PLD5: variants seen among roughly 807,000 people sequenced by gnomAD.
PLD5 encodes the protein phospholipase D family member 5.
In PLD5, 36 loss-of-function variants were observed where a neutral mutation model predicts 61.1. The observed-to-expected ratio is 0.59, with a 90% CI of 0.45 to 0.78. The LOEUF is 0.78. Among genes scored for constraint, PLD5 ranks in the 30% least tolerant of loss-of-function variants. The pLI is 0.00. For synonymous variants in PLD5, 243 were observed against 242.8 expected (o/e 1.00, Z -0.01); for missense variants, 515 against 644.4 (o/e 0.80, Z 2.17).
rs558751103 is a variant in PLD5, at chr1:242,415,062, C to A, written c.190-66820G>T. 5.5e-4 allele frequency among the ~76,000 whole-genome samples: 83 copies of A among 152,158 alleles called. 1 individual carries two copies. Among genetic ancestry groups the A allele is most frequent in the Non-Finnish European group, 7.5e-4 (51 of 68,028 alleles). ...GAAATACATTGAGGTACAGTTTTTTCACCCATAACATTTGCAAAAATCCAA... is the reference window on the plus strand; with the variant it reads ...GAAATACATTGAGGTACAGTTTTTTAACCCATAACATTTGCAAAAATCCAA... On this transcript the variant is annotated intron_variant, in intron 1 of 9. Coordinates refer to ENST00000536534, the MANE Select transcript of PLD5 (RefSeq NM_001372062.1).
rs952913035 is a variant in PLD5, at chr1:242,089,097, A to T, written c.*757T>A. On this transcript the variant is annotated 3_prime_UTR_variant, in exon 10 of 10. Coordinates refer to ENST00000536534, the MANE Select transcript of PLD5 (RefSeq NM_001372062.1). ...CTGACTGTGATTTTTTTTAAATACC[A>T]ATTCGGTAGGGGAAAAAAGGATTCA... 1.3e-5 allele frequency: 5 copies of T among 379,692 alleles called. No homozygotes were observed. Among genetic ancestry groups the T allele is most frequent in the Admixed American group, 4.5e-5 (1 of 22,074 alleles). 23.5% of individuals were successfully genotyped at this position (379,692 alleles called of 1,614,324 possible).
chr1:242,448,644 A>T (rs1419246962), intron 1 of PLD5, among the ~76,000 whole-genome samples: 1 of 152,200 alleles, frequency 6.6e-6, no homozygotes, highest in Non-Finnish European at 1.5e-5. Flanking sequence ...CAGAGAGCAG[A>T]GGCCAAGAGA....
intron 2 of PLD5, among the ~76,000 whole-genome samples, chr1:242,289,375 G>C (rs1373371146): frequency 6.6e-6 from 1 of 151,932 alleles, no homozygotes; most frequent in Non-Finnish European, 1.5e-5. Context: ...TTGAGATGGA[G>C]TCTCGCTCTG....
intron 4 of PLD5, among the ~76,000 whole-genome samples, chr1:242,228,282 A>G (rs905861624): frequency 1.4e-4 from 21 of 152,310 alleles, no homozygotes; most frequent in African/African-American, 4.6e-4. Flanking sequence ...TCCCTCGTAA[A>G]GAGGAAACAA....
intron 2 of PLD5, among the ~76,000 whole-genome samples, chr1:242,309,167 G>T (rs1558451315): frequency 6.6e-6 from 1 of 152,042 alleles, no homozygotes; most frequent in African/African-American, 2.4e-5. Context: ...TGTAGAGCAG[G>T]GGTGCCCAAG....
intron 1 of PLD5, among the ~76,000 whole-genome samples, chr1:242,371,538 T>A (rs1037754175): frequency 1.3e-5 from 2 of 150,990 alleles, no homozygotes; most frequent in African/African-American, 4.8e-5. Context: ...CTTCTTTCAA[T>A]CTCTCTCTCT....
rs188812308 is a variant in PLD5 at position 242,163,053 on chromosome 1, A to C, written c.736-38388T>G. 9.7e-4 allele frequency among the ~76,000 whole-genome samples: 148 copies of C among 152,288 alleles called. 1 individual carries two copies. Among genetic ancestry groups the C allele is most frequent in the African/African-American group, 3.4e-3 (142 of 41,526 alleles). On this transcript the variant is annotated intron_variant, in intron 5 of 9. Transcript: ENST00000536534. ...TGTTCTGGTTCTGAATGTTATAAAC[A>C]TCTCAGGACTAGGTAAAGAATCAAT...
At chr1:242,257,280 A>G (rs978407983) in intron 4 of PLD5, among the ~76,000 whole-genome samples, 7 of 152,318 alleles carry the variant, frequency 4.6e-5, no homozygotes, top group Admixed American at 4.6e-4. Context: ...ATCACAAAAC[A>G]TATATAGGTG....
chr1:242,441,229 C>T (rs1325434702), intron 1 of PLD5, among the ~76,000 whole-genome samples: 1 of 151,956 alleles, frequency 6.6e-6, no homozygotes, highest in African/African-American at 2.4e-5. Flanking sequence ...GTAGTAAGTG[C>T]TATGAAGCAA....
chr1:242,514,450 C>G (rs1405551294), intron 1 of PLD5, among the ~76,000 whole-genome samples: 1 of 152,124 alleles, frequency 6.6e-6, no homozygotes, highest in South Asian at 2.1e-4. Flanking sequence ...TAAACAATTG[C>G]TCCTGGAAGG....
At chr1:242,149,965 C>A (rs767060069) in intron 5 of PLD5, among the ~76,000 whole-genome samples, 9 of 151,744 alleles carry the variant, frequency 5.9e-5, no homozygotes, top group Non-Finnish European at 1.3e-4. Context: ...CTAACATAAG[C>A]ATCTTGTGTT....
At chr1:242,379,478 A>T (rs1662161036) in intron 1 of PLD5, among the ~76,000 whole-genome samples, 1 of 152,176 alleles carries the variant, frequency 6.6e-6, no homozygotes, top group Non-Finnish European at 1.5e-5. Context: ...GGAAGAAGGG[A>T]AAAACTGTGT....
chr1:242,172,893 T>G (rs1293591956), intron 5 of PLD5, among the ~76,000 whole-genome samples: 1 of 150,766 alleles, frequency 6.6e-6, no homozygotes, highest in East Asian at 1.9e-4. Flanking sequence ...TAACAGCCTA[T>G]CAAACAAAAA....
At chr1:242,215,849 T>A (rs1030414921) in intron 5 of PLD5, among the ~76,000 whole-genome samples, 2 of 152,236 alleles carry the variant, frequency 1.3e-5, no homozygotes, top group Non-Finnish European at 2.9e-5. Context: ...TAATTGTTCC[T>A]TACTATGTTT....
At chr1:242,394,893 TATG>T (rs1663372064) in intron 1 of PLD5, among the ~76,000 whole-genome samples, 1 of 115,946 alleles carries the variant, frequency 8.6e-6, no homozygotes, top group Non-Finnish European at 1.7e-5. Context: ...TATGTATATA[TATG>T]ATTATATATG....
intron 2 of PLD5, among the ~76,000 whole-genome samples, chr1:242,333,090 G>A (rs1255777315): frequency 6.6e-6 from 1 of 152,182 alleles, no homozygotes; most frequent in African/African-American, 2.4e-5. Context: ...TAGGGCCCAG[G>A]AAAACATATG....
rs528702769 is a variant in PLD5, at chr1:242,487,028, C to T, written c.189+37060G>A. 6.3e-4 allele frequency among the ~76,000 whole-genome samples: 95 copies of T among 151,604 alleles called. 1 individual carries two copies. The South Asian group carries it at 0.017, about 28-fold the overall frequency. ...TTGAACAATAAGAACACATGGACAC[C>T]GGAAGGGGAACATCACACCCCGGGG... On this transcript the variant is annotated intron_variant, in intron 1 of 9. Transcript: ENST00000536534.
chr1:242,420,746 C>T (rs1056246816), intron 1 of PLD5, among the ~76,000 whole-genome samples: 1 of 152,268 alleles, frequency 6.6e-6, no homozygotes, highest in Admixed American at 6.5e-5. Flanking sequence ...GGCATGAATG[C>T]AGTGGTATGT....
chr1:242,514,310 C>T (rs1669030608), intron 1 of PLD5, among the ~76,000 whole-genome samples: 1 of 152,196 alleles, frequency 6.6e-6, no homozygotes, highest in Non-Finnish European at 1.5e-5. Flanking sequence ...TCAGACCAGT[C>T]CTACAACTGG....
Sources: gnomAD v4.1 joint callset for allele counts (sites outside exome capture counted in the v4.1 genomes callset) on GRCh38, gnomAD v4.1.1 for gene constraint, MANE v1.5 for transcripts, NCBI Gene and HGNC (gene_info 2026-07-23, HGNC 2026-07-21) for gene names.